The following RAI1 variants were observed in gnomAD, a reference collection of about 807,000 sequenced individuals.
The protein encoded by RAI1 is retinoic acid-induced protein 1.
RAI1 carries 9 observed loss-of-function variants against 123.8 expected under a neutral mutation model. The observed-to-expected ratio is 0.07, with a 90% confidence interval of 0.04 to 0.13. The LOEUF is 0.13. Ranked by LOEUF, RAI1 falls within the 10% of genes least tolerant of loss-of-function variation. The pLI is 1.00. For synonymous variants in RAI1, 1,231 were observed against 1,127.3 expected (o/e 1.09, Z -1.84); for missense variants, 2,256 against 2,545.8 (o/e 0.89, Z 2.45).
intron 2 of RAI1, among the ~76,000 whole-genome samples, chr17:17,773,227 A>G (rs1446410646): frequency 1.3e-5 from 2 of 152,122 alleles, no homozygotes; most frequent in Admixed American, 6.5e-5. Context: ...ATGGGCCCCA[A>G]TTTCTCTGTC....
At chr17:17,748,770 G>A (rs2030029315) in intron 2 of RAI1, among the ~76,000 whole-genome samples, 1 of 152,172 alleles carries the variant, frequency 6.6e-6, no homozygotes, top group Non-Finnish European at 1.5e-5. Flanking sequence ...GCACTGGAGT[G>A]AGCAGAGGCG....
chr17:17,744,838 A>C (rs965824185), intron 2 of RAI1, among the ~76,000 whole-genome samples: 1 of 151,726 alleles, frequency 6.6e-6, no homozygotes, highest in African/African-American at 2.4e-5. Context: ...GCACATAAAC[A>C]GGTCAGAGTT....
chr17:17,760,458 G>T (rs1333008304), intron 2 of RAI1, among the ~76,000 whole-genome samples: 1 of 152,154 alleles, frequency 6.6e-6, no homozygotes, highest in Non-Finnish European at 1.5e-5. Context: ...AGTGTCCCTG[G>T]CCTGGGAACT....
intron 2 of RAI1, among the ~76,000 whole-genome samples, chr17:17,739,737 T>G (rs1442612270): frequency 6.6e-6 from 1 of 152,192 alleles, no homozygotes; most frequent in Non-Finnish European, 1.5e-5. Flanking sequence ...CACTCCACTC[T>G]GAGCAGGCTC....
intron 2 of RAI1, among the ~76,000 whole-genome samples, chr17:17,729,994 C>T (rs1190730173): frequency 6.6e-6 from 1 of 152,190 alleles, no homozygotes; most frequent in Non-Finnish European, 1.5e-5. Flanking sequence ...GAAACAGTAT[C>T]ACGAGGCATC....
chr17:17,790,979 T>G (rs1350079594), intron 2 of RAI1, among the ~76,000 whole-genome samples: 2 of 152,222 alleles, frequency 1.3e-5, no homozygotes, highest in African/African-American at 4.8e-5. Context: ...TCCTGTAATG[T>G]TTTATCCAAG....
rs1442456156 is a variant in RAI1, at chr17:17,786,782, T to G, written c.-16-6151T>G. Among the ~76,000 whole-genome samples the G allele has an allele frequency of 2.6e-5, 4 of 152,242 alleles. No homozygotes were observed. In the East Asian group the frequency reaches 7.7e-4, roughly 29 times the overall value. On this transcript the variant is annotated intron_variant, in intron 2 of 5. Transcript: ENST00000353383. ...GGGCCAGACAGTCCTGTGCCTTCCC[T>G]TAGCAGCCAGGCCAGGAGTGGTGGC...
chr17:17,697,342 G>A (rs1915073350), intron 1 of RAI1, among the ~76,000 whole-genome samples: 1 of 152,254 alleles, frequency 6.6e-6, no homozygotes, highest in African/African-American at 2.4e-5. Context: ...GGCAGCGGGT[G>A]TGGCATGGGC....
chr17:17,772,482 C>A (rs1427512134), intron 2 of RAI1, among the ~76,000 whole-genome samples: 2 of 152,238 alleles, frequency 1.3e-5, no homozygotes, highest in East Asian at 1.9e-4. Flanking sequence ...CTCTGGGGCT[C>A]CCCGTGGCCC....
chr17:17,805,547 C>T (rs910930621), intron 4 of RAI1, among the ~76,000 whole-genome samples: 2 of 152,200 alleles, frequency 1.3e-5, no homozygotes, highest in African/African-American at 2.4e-5. Context: ...CACCTGATGC[C>T]CTGCTGGCTT....
Position 17,809,279 on chromosome 17 carries a change from G to T in RAI1, c.5660-111G>T. On this transcript the variant is annotated intron_variant, in intron 4 of 5. Coordinates refer to ENST00000353383, the MANE Select transcript of RAI1 (RefSeq NM_030665.4). This position sits in a 1 kb window ranked among gnomAD's most constrained non-coding sequence, Gnocchi z 4.9. ...GATTAACTCTTTGAAAAGAGCCCCTGCAGTCTGGAGCCTCGCGGGCAGTGC... is the reference window on the plus strand; with the variant it reads ...GATTAACTCTTTGAAAAGAGCCCCTTCAGTCTGGAGCCTCGCGGGCAGTGC... 2 of 905,236 alleles carry T rather than the reference G, an allele frequency of 2.2e-6. No individual in the cohort carries two copies. The highest frequency in any genetic ancestry group is 3.7e-6 in the Non-Finnish European group (2 of 538,364). 56.1% of individuals were successfully genotyped at this position (905,236 alleles called of 1,614,324 possible).
At chr17:17,708,261 C>T (rs1468995396) in intron 1 of RAI1, among the ~76,000 whole-genome samples, 1 of 152,132 alleles carries the variant, frequency 6.6e-6, no homozygotes, top group Non-Finnish European at 1.5e-5. Context: ...AGGCCCCCTC[C>T]CCAGGAGGAG....
intron 2 of RAI1, among the ~76,000 whole-genome samples, chr17:17,771,418 T>C (rs2031154035): frequency 6.6e-6 from 1 of 152,118 alleles, no homozygotes. Flanking sequence ...TAAATGCAGT[T>C]CGTTTGGGAG....
intron 3 of RAI1, among the ~76,000 whole-genome samples, chr17:17,802,880 T>C (rs1292866057): frequency 6.6e-6 from 1 of 151,766 alleles, no homozygotes; most frequent in Admixed American, 6.6e-5. Flanking sequence ...GGTCGGGAGT[T>C]CGAGACCAGC....
chr17:17,792,801 G>A (rs1017203411), intron 2 of RAI1, 132 bp from the exon 3 acceptor site: 1 of 727,746 alleles, frequency 1.4e-6, no homozygotes, highest in Non-Finnish European at 2.4e-6. Flanking sequence ...GGCAGGGTGG[G>A]GAGGTGGGTG....
rs376964045 is a variant in RAI1, at chr17:17,793,024, C to G, written c.76C>G (p.Arg26Gly). Residue 26 changes from arginine (R) to glycine (G), a missense_variant, in exon 3 of 6, where the codon CGC becomes GGC. Physicochemically the swap from Arg to Gly is moderately radical, Grantham distance 125 (BLOSUM62 -2). This residue lies in a region of RAI1 where 336 missense variants were observed against 349.8 expected (regional missense o/e 0.96). Coordinates refer to ENST00000353383, the MANE Select transcript of RAI1 (RefSeq NM_030665.4). ...NYQQTSQETSRLENYRQPSQA... is the reference protein window; with the variant it reads ...NYQQTSQETSGLENYRQPSQA... The stretch of plus-strand genomic sequence containing the variant: ...CCAGCAGACCTCGCAGGAAACATCA[C>G]GCCTAGAGAATTACAGGCAGCCGAG... 1 of 1,614,036 alleles carries G rather than the reference C, an allele frequency of 6.2e-7. No individual in the cohort carries two copies. Among genetic ancestry groups the G allele is most frequent in the Non-Finnish European group, 8.5e-7 (1 of 1,180,020 alleles).
intron 2 of RAI1, among the ~76,000 whole-genome samples, chr17:17,781,021 CT>C (rs561401910): frequency 6.6e-6 from 1 of 152,318 alleles, no homozygotes; most frequent in South Asian, 2.1e-4. Flanking sequence ...TGCCAGGCTT[CT>C]TACCTCTCTG....
intron 1 of RAI1, among the ~76,000 whole-genome samples, chr17:17,702,697 C>T (rs1246964299): frequency 1.3e-5 from 2 of 152,204 alleles, no homozygotes; most frequent in Non-Finnish European, 2.9e-5. Context: ...AGGAATGAGG[C>T]TCACAGGGGT....
chr17:17,744,141 G>C (rs1916733137), intron 2 of RAI1, among the ~76,000 whole-genome samples: 1 of 152,226 alleles, frequency 6.6e-6, no homozygotes, highest in Non-Finnish European at 1.5e-5. Context: ...TTTGGGACTT[G>C]TCCACCTAGG....
Sources: gnomAD v4.1 joint callset for allele counts (sites outside exome capture counted in the v4.1 genomes callset) on GRCh38, gnomAD v4.1.1 for gene constraint, gnomAD v4.1.1 regional missense constraint, Gnocchi (gnomAD v3.1) non-coding constraint, MANE v1.5 for transcripts, NCBI Gene and HGNC (gene_info 2026-07-23, HGNC 2026-07-21) for gene names.